Variants in MAGI2 observed in about 807,000 individuals in gnomAD.
MAGI2 encodes membrane associated guanylate kinase, WW and PDZ domain containing 2, also known as membrane-associated guanylate kinase, WW and PDZ domain-containing protein 2.
Under a neutral mutation model 133.3 loss-of-function variants are expected in MAGI2, and 35 were observed. That is an observed-to-expected ratio of 0.26 (90% CI 0.20 to 0.35). The LOEUF is 0.35. MAGI2 is among the 10% of genes least tolerant of loss of function. The probability of loss-of-function intolerance (pLI) is 1.00; values close to 1 mark genes in which losing one functional copy is unlikely to be tolerated. For synonymous variants in MAGI2, 729 were observed against 710.6 expected (o/e 1.03, Z -0.41); for missense variants, 1,636 against 1,863.4 (o/e 0.88, Z 2.25).
intron 9 of MAGI2, among the ~76,000 whole-genome samples, chr7:78,334,194 C>T (rs754037237): frequency 1.1e-4 from 17 of 152,092 alleles, no homozygotes; most frequent in African/African-American, 2.2e-4. Context: ...AAGAACACTG[C>T]GCTGGGGTAG....
chr7:78,991,046 A>C (rs1432989627), intron 2 of MAGI2, among the ~76,000 whole-genome samples: 1 of 151,496 alleles, frequency 6.6e-6, no homozygotes, highest in Non-Finnish European at 1.5e-5. Flanking sequence ...TCATGGGGGC[A>C]GTTTCCCCCA....
At chr7:79,397,926 A>G (rs1277696502) in intron 1 of MAGI2, among the ~76,000 whole-genome samples, 1 of 152,158 alleles carries the variant, frequency 6.6e-6, no homozygotes, top group Non-Finnish European at 1.5e-5. Context: ...TTGGATAATC[A>G]TATTTATTTC....
chr7:78,986,094 G>A (rs1347322405), intron 2 of MAGI2, among the ~76,000 whole-genome samples: 1 of 152,046 alleles, frequency 6.6e-6, no homozygotes. Context: ...GACTAATGAA[G>A]AGTTTGGCAA....
At chr7:78,918,831 A>G (rs925893113) in intron 2 of MAGI2, among the ~76,000 whole-genome samples, 4 of 152,254 alleles carry the variant, frequency 2.6e-5, no homozygotes, top group South Asian at 4.1e-4. Flanking sequence ...AACATCATAT[A>G]TATACGATGA....
Position 78,358,878 on chromosome 7 carries a change from C to A in MAGI2, c.1103+10278G>T, listed in dbSNP as rs542401032. ...AGACCGAGGGACTCCCTGTTTGAGA[C>A]CAGAAAAGACTGTTTATTCCTCATG... On this transcript the variant is annotated intron_variant, in intron 7 of 21. Transcript: ENST00000354212. 24 of 158,612 alleles carry A rather than the reference C, an allele frequency of 1.5e-4. No homozygotes were observed. In the South Asian group the frequency reaches 2.3e-3, roughly 15 times the overall value. The allele number at this position is 158,612 out of a possible 1,614,324, so 9.8% of individuals were successfully genotyped here.
At position 79,088,323 on chromosome 7, in the gene MAGI2, G is replaced by T. The variant is rs919542838; in HGVS notation, c.302-81117C>A. Reference sequence around the variant, plus strand: ...TTTGGCCCTCTGTTTGTCTGTTAATGGTGTATAGGAATGCTTGTGATTTTT... The same window carrying T: ...TTTGGCCCTCTGTTTGTCTGTTAATTGTGTATAGGAATGCTTGTGATTTTT... On this transcript the variant is annotated intron_variant, in intron 1 of 21. Transcript: ENST00000354212. Among the ~76,000 whole-genome samples, 4 of 152,004 alleles carry T rather than the reference G, an allele frequency of 2.6e-5. No individual in the cohort carries two copies. The East Asian group carries it at 7.7e-4, about 29-fold the overall frequency.
intron 2 of MAGI2, among the ~76,000 whole-genome samples, chr7:78,739,801 G>C (rs1456955911): frequency 6.6e-6 from 1 of 152,118 alleles, no homozygotes; most frequent in African/African-American, 2.4e-5. Flanking sequence ...CAATGAACTT[G>C]AACGGGTTTC....
At chr7:79,259,606 T>C (rs1235591054) in intron 1 of MAGI2, among the ~76,000 whole-genome samples, 1 of 152,196 alleles carries the variant, frequency 6.6e-6, no homozygotes, top group Non-Finnish European at 1.5e-5. Context: ...TGATATTTAG[T>C]ACCAAATAAT....
chr7:78,872,694 G>C (rs779658462), intron 2 of MAGI2, among the ~76,000 whole-genome samples: 8 of 150,496 alleles, frequency 5.3e-5, no homozygotes, highest in Non-Finnish European at 8.9e-5. Flanking sequence ...TTAGTTGTTT[G>C]TTCTGCTGCA....
intron 13 of MAGI2, among the ~76,000 whole-genome samples, chr7:78,179,132 A>G (rs1473027682): frequency 7.2e-5 from 11 of 152,202 alleles, no homozygotes; most frequent in African/African-American, 2.7e-4. Flanking sequence ...TTAAAGAACT[A>G]TTTATTATGC....
chr7:78,701,225 A>G (rs899955416), intron 2 of MAGI2, among the ~76,000 whole-genome samples: 1 of 151,942 alleles, frequency 6.6e-6, no homozygotes, highest in Non-Finnish European at 1.5e-5. Context: ...GGCCTTCATT[A>G]GTATGTTCAC....
At chr7:78,284,174 C>T (rs1795912153) in intron 9 of MAGI2, among the ~76,000 whole-genome samples, 1 of 152,104 alleles carries the variant, frequency 6.6e-6, no homozygotes, top group Non-Finnish European at 1.5e-5. Flanking sequence ...AAGCAGGAGA[C>T]TTAGACATGC....
chr7:79,393,735 T>A (rs923725287), intron 1 of MAGI2, among the ~76,000 whole-genome samples: 2 of 152,236 alleles, frequency 1.3e-5, no homozygotes, highest in South Asian at 2.1e-4. Flanking sequence ...CACATTGTTA[T>A]GTGAACATTT....
chr7:78,070,001 T>A (rs562696313), intron 21 of MAGI2, among the ~76,000 whole-genome samples: 241 of 151,808 alleles, frequency 1.6e-3, no homozygotes, highest in African/African-American at 5.4e-3. Flanking sequence ...TTCACTCATC[T>A]TCTCCACGAC....
intron 20 of MAGI2, among the ~76,000 whole-genome samples, chr7:78,091,566 G>A (rs964658536): frequency 6.6e-6 from 1 of 152,122 alleles, no homozygotes; most frequent in Admixed American, 6.5e-5. Flanking sequence ...TTTATCTCTG[G>A]TTTCTCTTAT....
At chr7:78,798,879 C>T (rs767957281) in intron 2 of MAGI2, among the ~76,000 whole-genome samples, 3 of 152,124 alleles carry the variant, frequency 2.0e-5, no homozygotes, top group African/African-American at 7.2e-5. Context: ...TATATCATGG[C>T]CTAGCAGGTG....
chr7:78,810,183 T>A (rs1788923498), intron 2 of MAGI2, among the ~76,000 whole-genome samples: 1 of 152,136 alleles, frequency 6.6e-6, no homozygotes, highest in African/African-American at 2.4e-5. Flanking sequence ...ATTTTTTTTT[T>A]ATATAACTAT....
At chr7:78,185,706 A>C in intron 12 of MAGI2, 36 bp from the exon 13 acceptor site, 1 of 1,483,754 alleles carries the variant, frequency 6.7e-7, no homozygotes, top group Non-Finnish European at 9.3e-7. Flanking sequence ...GTTGAAATTC[A>C]TTTATGGCAT....
intron 9 of MAGI2, among the ~76,000 whole-genome samples, chr7:78,283,195 AACTT>A (rs1384049774): frequency 2.6e-5 from 4 of 152,096 alleles, no homozygotes; most frequent in Admixed American, 2.6e-4. Context: ...AATATTCTAA[AACTT>A]AAGTACAGAG....
Sources: allele counts gnomAD v4.1 joint callset (sites outside exome capture counted in the v4.1 genomes callset), GRCh38; gene constraint gnomAD v4.1.1; transcripts MANE v1.5; gene names NCBI Gene and HGNC (gene_info 2026-07-23, HGNC 2026-07-21).